Variants in ARHGEF7 observed in about 807,000 individuals in gnomAD.
The protein encoded by ARHGEF7 is Rho guanine nucleotide exchange factor 7, also known as PAK-interacting exchange factor beta.
ARHGEF7 carries 33 observed loss-of-function variants against 109.8 expected under a neutral mutation model. The ratio of observed to expected loss-of-function variants is 0.30; its 90% CI spans 0.23 to 0.40. The LOEUF is 0.40. Among genes scored for constraint, ARHGEF7 ranks in the 10% least tolerant of loss-of-function variants. The pLI is 1.00. For synonymous variants in ARHGEF7, 458 were observed against 424.6 expected (o/e 1.08, Z -0.97); for missense variants, 938 against 1,098.5 (o/e 0.85, Z 2.07).
intron 19 of ARHGEF7, among the ~76,000 whole-genome samples, chr13:111,298,734 C>T (rs1266132597): frequency 1.3e-5 from 2 of 152,314 alleles, no homozygotes; most frequent in East Asian, 1.9e-4. Context: ...CCAGGGGACG[C>T]ATGTGAGGAG....
chr13:111,280,985 C>T (rs963615380), intron 15 of ARHGEF7: 22 of 231,928 alleles, frequency 9.5e-5, no homozygotes, highest in Middle Eastern at 1.4e-3. Context: ...TTACACTCAA[C>T]TATAGATGAT....
intron 17 of ARHGEF7, 31 bp from the exon 18 acceptor site, chr13:111,288,323 C>A: frequency 2.6e-6 from 4 of 1,560,312 alleles, no homozygotes; most frequent in Non-Finnish European, 3.5e-6. Context: ...CCTTTCAGTT[C>A]GACTGTGAAC....
intron 19 of ARHGEF7, chr13:111,295,146 TAAAAA>T: frequency 2.0e-6 from 2 of 985,190 alleles, no homozygotes; most frequent in Non-Finnish European, 2.4e-6. Flanking sequence ...TGTTTTATAT[TAAAAA>T]AAACCTGTTA....
chr13:111,153,836 T>C, intron 1 of ARHGEF7, 69 bp from the exon 2 acceptor site: 1 of 1,546,792 alleles, frequency 6.5e-7, no homozygotes, highest in Non-Finnish European at 8.7e-7. Context: ...GCCGTGGGCG[T>C]CGCTCGGCCT....
intron 1 of ARHGEF7, chr13:111,116,345 A>G (rs1455329224): frequency 6.5e-6 from 1 of 152,752 alleles, no homozygotes; most frequent in African/African-American, 2.4e-5. Context: ...CGTTCTGAAC[A>G]GAACCTTTAG....
intron 1 of ARHGEF7, among the ~76,000 whole-genome samples, chr13:111,130,035 G>A (rs2074659009): frequency 6.6e-6 from 1 of 152,162 alleles, no homozygotes; most frequent in African/African-American, 2.4e-5. Context: ...AATGGAACAC[G>A]GCTCAGCAAT....
intron 5 of ARHGEF7, among the ~76,000 whole-genome samples, chr13:111,225,797 G>C (rs561487330): frequency 2.0e-5 from 3 of 152,100 alleles, no homozygotes; most frequent in Admixed American, 1.3e-4. Context: ...AATTCCCCAT[G>C]TTTTTCCCCA....
chr13:111,134,668 A>T (rs1181211905), intron 1 of ARHGEF7, among the ~76,000 whole-genome samples: 2 of 151,866 alleles, frequency 1.3e-5, no homozygotes, highest in Non-Finnish European at 2.9e-5. Context: ...AATTTGTTTG[A>T]GTTCTTTGTA....
intron 16 of ARHGEF7, among the ~76,000 whole-genome samples, chr13:111,284,706 G>A (rs368255425): frequency 5.9e-5 from 9 of 152,218 alleles, no homozygotes; most frequent in Non-Finnish European, 1.2e-4. Context: ...AGCAGCTGCC[G>A]TCCAGTGTTG....
intron 2 of ARHGEF7, among the ~76,000 whole-genome samples, chr13:111,176,378 T>G (rs1218130649): frequency 6.6e-6 from 1 of 152,232 alleles, no homozygotes; most frequent in Non-Finnish European, 1.5e-5. Flanking sequence ...CTGAGAATTG[T>G]GCGTGATGTG....
At chr13:111,222,908 G>A (rs1223259191) in intron 5 of ARHGEF7, among the ~76,000 whole-genome samples, 1 of 152,226 alleles carries the variant, frequency 6.6e-6, no homozygotes, top group Non-Finnish European at 1.5e-5. Flanking sequence ...ACTGTGGTTC[G>A]AAACAGGTGA....
chr13:111,284,886 C>T (rs2092954282), intron 16 of ARHGEF7, among the ~76,000 whole-genome samples: 1 of 152,182 alleles, frequency 6.6e-6, no homozygotes, highest in Non-Finnish European at 1.5e-5. Context: ...ACGTGAGGGG[C>T]GGGCGTTGGC....
chr13:111,303,533 A>C lies in ARHGEF7; in HGVS notation c.*420A>C, dbSNP rs1336176662. ...CCATGCTAGAATGTCCTTTCCAGCT[A>C]CGTGAATAAGAAGTCCCATGCCCGC... On this transcript the variant is annotated 3_prime_UTR_variant, in exon 22 of 22. Transcript: ENST00000646102. 1 of 152,532 alleles carries C rather than the reference A, an allele frequency of 6.6e-6. No individual in the cohort carries two copies. The highest frequency in any genetic ancestry group is 1.5e-5 in the Non-Finnish European group (1 of 68,312). The allele number at this position is 152,532 out of a possible 1,614,324, so 9.4% of individuals were successfully genotyped here.
intron 2 of ARHGEF7, among the ~76,000 whole-genome samples, chr13:111,168,149 A>G (rs1441987272): frequency 1.3e-5 from 2 of 152,202 alleles, no homozygotes; most frequent in African/African-American, 2.4e-5. Flanking sequence ...CGTCCAGGTC[A>G]TAGGGAGACT....
intron 2 of ARHGEF7, among the ~76,000 whole-genome samples, chr13:111,195,097 A>G (rs1358187521): frequency 1.3e-5 from 2 of 152,204 alleles, no homozygotes; most frequent in Non-Finnish European, 2.9e-5. Flanking sequence ...ATGTTTAACA[A>G]TATCCTGTAA....
At chr13:111,261,693 A>G (rs1241683058) in intron 8 of ARHGEF7, among the ~76,000 whole-genome samples, 3 of 152,356 alleles carry the variant, frequency 2.0e-5, no homozygotes, top group South Asian at 2.1e-4. Flanking sequence ...AGGATCATCT[A>G]TATTAAGCAC....
chr13:111,293,466 T>C (rs2093350601), intron 19 of ARHGEF7: 1 of 984,594 alleles, frequency 1.0e-6, no homozygotes, highest in African/African-American at 1.8e-5. Flanking sequence ...TCACCCGTTT[T>C]CCTGGGATTT....
chr13:111,249,468 G>A (rs2089431512), intron 8 of ARHGEF7, among the ~76,000 whole-genome samples: 1 of 151,922 alleles, frequency 6.6e-6, no homozygotes, highest in Non-Finnish European at 1.5e-5. Context: ...GGGAGGCTGG[G>A]GAGCAGTGAG....
chr13:111,286,546 T>C (rs2093028361), intron 17 of ARHGEF7, among the ~76,000 whole-genome samples: 1 of 152,158 alleles, frequency 6.6e-6, no homozygotes, highest in South Asian at 2.1e-4. Flanking sequence ...CCCTCTCGCC[T>C]ATAAGATATT....
Sources: allele counts gnomAD v4.1 joint callset (sites outside exome capture counted in the v4.1 genomes callset), GRCh38; gene constraint gnomAD v4.1.1; transcripts MANE v1.5; gene names NCBI Gene and HGNC (gene_info 2026-07-23, HGNC 2026-07-21).